SUPT5H: variants seen among roughly 807,000 people sequenced by gnomAD.
SUPT5H encodes SPT5 homolog, DSIF elongation factor subunit, also known as transcription elongation factor SPT5.
A neutral mutation model predicts 142.5 loss-of-function variants in SUPT5H; 24 were observed. The observed-to-expected ratio is 0.17, with a 90% CI of 0.12 to 0.24. The LOEUF (loss-of-function observed/expected upper bound fraction) is 0.24. Among genes scored for constraint, SUPT5H ranks in the 10% least tolerant of loss-of-function variants. The probability of loss-of-function intolerance (pLI) is 1.00; values close to 1 mark genes in which losing one functional copy is unlikely to be tolerated. For missense variants in SUPT5H, 893 were observed against 1,471.8 expected, an observed-to-expected ratio of 0.61 and a Z score of 6.43; for synonymous variants, 546 against 553.0, an observed-to-expected ratio of 0.99 and a Z score of 0.18.
At chr19:39,448,208 G>A (rs568484684) in intron 2 of SUPT5H, among the ~76,000 whole-genome samples, 1 of 152,306 alleles carries the variant, frequency 6.6e-6, no homozygotes, top group South Asian at 2.1e-4. Flanking sequence ...TTTGGTAGAT[G>A]GAGAGTGCTG....
intron 11 of SUPT5H, among the ~76,000 whole-genome samples, chr19:39,465,459 A>G (rs1381599951): frequency 6.6e-6 from 1 of 152,210 alleles, no homozygotes; most frequent in African/African-American, 2.4e-5. Context: ...ACACAGGCAG[A>G]CTTCAATGTT....
intron 10 of SUPT5H, among the ~76,000 whole-genome samples, chr19:39,462,321 C>A (rs1002405939): frequency 3.3e-5 from 5 of 152,104 alleles, no homozygotes; most frequent in African/African-American, 1.2e-4. Flanking sequence ...CAAAAATAAA[C>A]CGATACCCAT....
Position 39,458,160 on chromosome 19 carries a change from C to T in SUPT5H, c.308-134C>T. ...TTTGGTTTTCAACCTTTCTGTGTCC[C>T]TCCCTTCCCCTCCCCCAACCCATTG... is the stretch of plus-strand genomic sequence containing the variant. On this transcript the variant is annotated intron_variant, in intron 4 of 29. Transcript: ENST00000432763. This position sits in a 1 kb window ranked among gnomAD's most constrained non-coding sequence, Gnocchi z 4.2. The T allele has an allele frequency of 6.3e-6, 9 of 1,428,396 alleles. No individual in the cohort carries two copies. Among genetic ancestry groups the T allele is most frequent in the South Asian group, 1.4e-5 (1 of 72,536 alleles). The allele number at this position is 1,428,396 out of a possible 1,614,324, so 88.5% of individuals were successfully genotyped here. A position where few individuals can be genotyped will look rare whatever the true frequency, so the allele number is the denominator to read the frequency against.
At chr19:39,459,661 C>CT (rs2079135979) in intron 9 of SUPT5H, 72 bp downstream of exon 9, 2 of 1,587,128 alleles carry the variant, frequency 1.3e-6, no homozygotes, top group African/African-American at 1.3e-5. Context: ...GGAGAAGTGT[C>CT]TGTCTGTCCC....
rs1382383341 is a variant in SUPT5H, at chr19:39,469,470, G to A, written c.1374+72G>A. Reference sequence around the variant, plus strand: ...TCTGACTGTATGTGGCTGTCGAGGCGGTGGTGTGCCTGGTGACACCTGGTT... The same window carrying A: ...TCTGACTGTATGTGGCTGTCGAGGCAGTGGTGTGCCTGGTGACACCTGGTT... On this transcript the variant is annotated intron_variant, in intron 16 of 29. Transcript: ENST00000432763. The surrounding 1 kb of genome is among the most constrained non-coding windows in gnomAD (Gnocchi z 5.1). The A allele has an allele frequency of 5.0e-6, 8 of 1,600,140 alleles. No homozygotes were observed. Among genetic ancestry groups the A allele is most frequent in the East Asian group, 2.2e-5 (1 of 44,542 alleles).
In SUPT5H at chr19:39,469,901, G is replaced by C; in HGVS notation, c.1375-218G>C. 1 of 580,890 alleles carries C rather than the reference G, an allele frequency of 1.7e-6. No individual in the cohort carries two copies. Among genetic ancestry groups the C allele is most frequent in the South Asian group, 2.1e-5 (1 of 48,240 alleles). 36.0% of individuals were successfully genotyped at this position (580,890 alleles called of 1,614,324 possible). A position where few individuals can be genotyped will look rare whatever the true frequency, so the allele number is the denominator to read the frequency against. Reference sequence around the variant, plus strand: ...GCATCGTGTGTCTTGAGGGCGGGCTGGGGTAAAGGTTGTCCAGGTTGGTGT... The same window carrying C: ...GCATCGTGTGTCTTGAGGGCGGGCTCGGGTAAAGGTTGTCCAGGTTGGTGT... On this transcript the variant is annotated intron_variant, in intron 16 of 29. Transcript: ENST00000432763. The surrounding 1 kb of genome is among the most constrained non-coding windows in gnomAD (Gnocchi z 5.1).
At position 39,464,851 on chromosome 19, in the gene SUPT5H, C is replaced by T. The variant is rs774455679; in HGVS notation, c.678C>T (p.Tyr226=). 3.2e-5 allele frequency: 51 copies of T among 1,614,020 alleles called. No individual in the cohort carries two copies. Among genetic ancestry groups the T allele is most frequent in the South Asian group, 4.4e-5 (4 of 91,078 alleles). The change falls in exon 11 of 30, where the codon TAC becomes TAT. Residue 226 remains tyrosine (Y), a synonymous_variant. Transcript: ENST00000432763. ...VAPEHVKGYI[Y]VEAYKQTHVK... is the part of the protein sequence containing the mutation. ...CAGAGCATGTGAAGGGCTACATCTACGTGGAGGCCTACAAGCAGACCCACG... is the reference window on the plus strand; with the variant it reads ...CAGAGCATGTGAAGGGCTACATCTATGTGGAGGCCTACAAGCAGACCCACG...
At chr19:39,461,346 C>T (rs1212348534) in intron 10 of SUPT5H, among the ~76,000 whole-genome samples, 2 of 151,820 alleles carry the variant, frequency 1.3e-5, no homozygotes, top group African/African-American at 4.8e-5. Flanking sequence ...GTGTCCCTGC[C>T]TGTCATGGGT....
intron 18 of SUPT5H, 145 bp from the exon 19 acceptor site, chr19:39,471,212 C>A: frequency 1.0e-6 from 1 of 980,084 alleles, no homozygotes; most frequent in Non-Finnish European, 1.5e-6. Context: ...CTCTGCCTGC[C>A]TGCCCCGCAG....
intron 2 of SUPT5H, 104 bp from the exon 3 acceptor site, chr19:39,453,252 G>A: frequency 3.6e-6 from 5 of 1,386,812 alleles, no homozygotes; most frequent in Admixed American, 5.2e-5. Flanking sequence ...AGTGGGCTAT[G>A]ATTGGCCAGG....
rs773920699 is a variant in SUPT5H, at chr19:39,470,338, A to G, written c.1531-39A>G. 5.8e-6 allele frequency: 9 copies of G among 1,545,994 alleles called. No homozygotes were observed. In the South Asian group the frequency reaches 1.1e-4, roughly 19 times the overall value. On this transcript the variant is annotated intron_variant, in intron 17 of 29. Coordinates refer to ENST00000432763, the MANE Select transcript of SUPT5H (RefSeq NM_001111020.3). This position sits in a 1 kb window ranked among gnomAD's most constrained non-coding sequence, Gnocchi z 5.8. ...AAGAGGAGACCCAGGTAGGCGAGCC[A>G]CCTGGACTGGGCCTCACCCCTTTCA...
chr19:39,454,510 A>C (rs2079062503), intron 3 of SUPT5H, among the ~76,000 whole-genome samples: 1 of 150,956 alleles, frequency 6.6e-6, no homozygotes, highest in African/African-American at 2.4e-5. Context: ...ATGCCTGGCT[A>C]ATTTTTTATA....
chr19:39,464,090 T>G (rs1469320851), intron 10 of SUPT5H, among the ~76,000 whole-genome samples: 1 of 148,482 alleles, frequency 6.7e-6, no homozygotes, highest in East Asian at 2.1e-4. Flanking sequence ...TTCAAGCGAC[T>G]CTTCTGCCTC....
At position 39,471,336 on chromosome 19, in the gene SUPT5H, C is replaced by T. The variant is rs776143738; in HGVS notation, c.1678-21C>T. On this transcript the variant is annotated intron_variant, in intron 18 of 29. Transcript: ENST00000432763. ...CCCTTCCCATTCTCACCCCCACAGCCTCCCTGCTCTCCCTCTGTAGGTGCT... is the reference window on the plus strand; with the variant it reads ...CCCTTCCCATTCTCACCCCCACAGCTTCCCTGCTCTCCCTCTGTAGGTGCT... 2.5e-6 allele frequency: 4 copies of T among 1,614,128 alleles called. No individual in the cohort carries two copies. In the South Asian group the frequency reaches 4.4e-5, roughly 18 times the overall value.
In SUPT5H at chr19:39,466,813, G is replaced by C. The variant is rs2079244720; in HGVS notation, c.1037+68G>C. On this transcript the variant is annotated intron_variant, in intron 13 of 29. Coordinates refer to ENST00000432763, the MANE Select transcript of SUPT5H (RefSeq NM_001111020.3). This position sits in a 1 kb window ranked among gnomAD's most constrained non-coding sequence, Gnocchi z 4.3. ...GGTGTGTAGAATGTGCCTTTTGCAGGTTCCTCCCCAGGGGTGGCCCCGCCA... is the reference window on the plus strand; with the variant it reads ...GGTGTGTAGAATGTGCCTTTTGCAGCTTCCTCCCCAGGGGTGGCCCCGCCA... The C allele has an allele frequency of 3.3e-6, 5 of 1,533,408 alleles. No individual in the cohort carries two copies. Among genetic ancestry groups the C allele is most frequent in the Non-Finnish European group, 4.5e-6 (5 of 1,107,378 alleles). The allele number at this position is 1,533,408 out of a possible 1,614,324, so 95.0% of individuals were successfully genotyped here. A position where few individuals can be genotyped will look rare whatever the true frequency, so the allele number is the denominator to read the frequency against.
In SUPT5H at chr19:39,473,612, C is replaced by T; in HGVS notation, c.2492+91C>T. On this transcript the variant is annotated intron_variant, in intron 25 of 29. Coordinates refer to ENST00000432763, the MANE Select transcript of SUPT5H (RefSeq NM_001111020.3). This position sits in a 1 kb window ranked among gnomAD's most constrained non-coding sequence, Gnocchi z 5.8. The stretch of plus-strand genomic sequence containing the variant: ...GGGGCATTGGAGGGGTTTGTGGGGC[C>T]CACCCAGCATTCTCTGCTCCTAGCC... 1 of 1,362,018 alleles carries T rather than the reference C, an allele frequency of 7.3e-7. No individual in the cohort carries two copies. Among genetic ancestry groups the T allele is most frequent in the Non-Finnish European group, 1.0e-6 (1 of 1,000,252 alleles). The allele number at this position is 1,362,018 out of a possible 1,614,324, so 84.4% of individuals were successfully genotyped here.
rs373571939 is a variant in SUPT5H at position 39,457,763 on chromosome 19, C to T, written c.307+23C>T. The T allele has an allele frequency of 1.6e-5, 26 of 1,614,078 alleles. No homozygotes were observed. The African/African-American group carries it at 2.9e-4, about 18-fold the overall frequency. On this transcript the variant is annotated intron_variant, in intron 4 of 29. Transcript: ENST00000432763. ...AAGGTGTGTGTGAGCCCTGCCTCCA[C>T]AAGACTACTGGGAAGAGGGTGGCTG...
chr19:39,472,334 G>A lies in SUPT5H; in HGVS notation c.1951-75G>A, dbSNP rs56216063. 4.6e-5 allele frequency: 67 copies of A among 1,454,484 alleles called. No homozygotes were observed. The highest frequency in any genetic ancestry group is 9.7e-5 in the African/African-American group (7 of 71,876). The allele number at this position is 1,454,484 out of a possible 1,614,324, so 90.1% of individuals were successfully genotyped here. ...GGGTGGTCTCCTCAGGGCCCTGCAC[G>A]TGGGATGATGAGTTCCTGTGGTTTG... On this transcript the variant is annotated intron_variant, in intron 20 of 29. Coordinates refer to ENST00000432763, the MANE Select transcript of SUPT5H (RefSeq NM_001111020.3). The surrounding 1 kb of genome is among the most constrained non-coding windows in gnomAD (Gnocchi z 4.2).
At position 39,468,624 on chromosome 19, in the gene SUPT5H, G is replaced by A. The variant is rs189841146; in HGVS notation, c.1038-132G>A. The A allele has an allele frequency of 1.3e-3, 944 of 720,782 alleles. 8 individuals carry two copies. The highest frequency in any genetic ancestry group is 2.5e-4 in the Non-Finnish European group (106 of 418,262). 44.6% of individuals were successfully genotyped at this position (720,782 alleles called of 1,614,324 possible). On this transcript the variant is annotated intron_variant, in intron 13 of 29. Transcript: ENST00000432763. ...GTGAGAAGTCACTGCTGCCAAGAGG[G>A]TGTGTGCTGGGATGGGATGGGTCAG...
Sources: gnomAD v4.1 joint callset for allele counts (sites outside exome capture counted in the v4.1 genomes callset) on GRCh38, gnomAD v4.1.1 for gene constraint, Gnocchi (gnomAD v3.1) non-coding constraint, MANE v1.5 for transcripts, NCBI Gene and HGNC (gene_info 2026-07-23, HGNC 2026-07-21) for gene names.